CPNE4: variants seen among roughly 807,000 people sequenced by gnomAD.
CPNE4 encodes copine-4.
A neutral mutation model predicts 67.9 loss-of-function variants in CPNE4; 25 were observed. The ratio of observed to expected loss-of-function variants is 0.37; its 90% CI spans 0.27 to 0.51. CPNE4 has a LOEUF of 0.51. CPNE4 is among the 20% of genes least tolerant of loss of function. CPNE4 has a pLI of 0.93. For missense variants in CPNE4, 464 were observed against 690.8 expected, an observed-to-expected ratio of 0.67 and a Z score of 3.68; for synonymous variants, 242 against 244.9, an observed-to-expected ratio of 0.99 and a Z score of 0.11.
chr3:131,598,263 A>G (rs559908903), intron 7 of CPNE4, among the ~76,000 whole-genome samples: 56 of 152,296 alleles, frequency 3.7e-4, no homozygotes, highest in African/African-American at 1.3e-3. Context: ...ACTCTATAAA[A>G]TATGTGTCTG....
intron 1 of CPNE4, among the ~76,000 whole-genome samples, chr3:131,996,569 C>G (rs1242463396): frequency 6.6e-6 from 1 of 151,674 alleles, no homozygotes; most frequent in Non-Finnish European, 1.5e-5. Flanking sequence ...CCTAGCGGAG[C>G]AGCAGTGACG....
intron 1 of CPNE4, among the ~76,000 whole-genome samples, chr3:132,020,656 A>C (rs2107688668): frequency 6.6e-6 from 1 of 152,264 alleles, no homozygotes; most frequent in African/African-American, 2.4e-5. Flanking sequence ...GATCACCATC[A>C]TCTCCACCCC....
At chr3:131,738,653 T>G (rs1489099327) in intron 2 of CPNE4, among the ~76,000 whole-genome samples, 1 of 152,180 alleles carries the variant, frequency 6.6e-6, no homozygotes, top group Non-Finnish European at 1.5e-5. Context: ...TTGTTTGTTT[T>G]TTTCTGGCTT....
intron 2 of CPNE4, among the ~76,000 whole-genome samples, chr3:131,812,934 C>T (rs1328312662): frequency 6.6e-6 from 1 of 152,118 alleles, no homozygotes; most frequent in African/African-American, 2.4e-5. Flanking sequence ...AATCCTATAT[C>T]TGGGCATATA....
At chr3:131,574,508 A>C (rs1445165817) in intron 10 of CPNE4, among the ~76,000 whole-genome samples, 1 of 152,060 alleles carries the variant, frequency 6.6e-6, no homozygotes, top group Admixed American at 6.6e-5. Context: ...ATGATCCTTG[A>C]TCCATTCACT....
chr3:131,997,203 T>C (rs1583575793), intron 1 of CPNE4, among the ~76,000 whole-genome samples: 1 of 152,142 alleles, frequency 6.6e-6, no homozygotes, highest in East Asian at 1.9e-4. Flanking sequence ...TAACCAATAA[T>C]GGAAAGGGCA....
rs1410445631 is a variant in CPNE4 at position 131,533,675 on chromosome 3, C to T, written c.*1520G>A. On this transcript the variant is annotated 3_prime_UTR_variant, in exon 16 of 16. Coordinates refer to ENST00000429747, the MANE Select transcript of CPNE4 (RefSeq NM_130808.3). ...TCCCAAAATGTTGTGCATTTGGTGA[C>T]ATGTATTTGCAAGATTAGGATCTAT... is the stretch of plus-strand genomic sequence containing the variant. 6.6e-6 allele frequency: 1 copy of T among 152,126 alleles called. No homozygotes were observed. The highest frequency in any genetic ancestry group is 1.5e-5 in the Non-Finnish European group (1 of 68,018). The allele number at this position is 152,126 out of a possible 1,614,324, so 9.4% of individuals were successfully genotyped here.
chr3:132,030,848 G>A (rs1298948444), intron 1 of CPNE4, among the ~76,000 whole-genome samples: 1 of 152,206 alleles, frequency 6.6e-6, no homozygotes, highest in African/African-American at 2.4e-5. Flanking sequence ...GCAGTCACAA[G>A]TTTAGGAGAT....
chr3:131,979,546 C>A (rs1369616273), intron 1 of CPNE4, among the ~76,000 whole-genome samples: 2 of 152,136 alleles, frequency 1.3e-5, no homozygotes, highest in Non-Finnish European at 2.9e-5. Flanking sequence ...CCTTTTTCCA[C>A]CCCTTTACTT....
At chr3:131,862,116 G>C (rs1411559576) in intron 2 of CPNE4, among the ~76,000 whole-genome samples, 1 of 152,086 alleles carries the variant, frequency 6.6e-6, no homozygotes, top group Non-Finnish European at 1.5e-5. Flanking sequence ...ACGAGATGTA[G>C]AGCAAGAACT....
intron 1 of CPNE4, among the ~76,000 whole-genome samples, chr3:131,933,284 G>A (rs1306618443): frequency 2.0e-5 from 3 of 152,084 alleles, no homozygotes; most frequent in African/African-American, 4.8e-5. Flanking sequence ...GTCAGAAAAC[G>A]ACAAAATCTT....
rs183533723 is a variant in CPNE4, at chr3:131,819,035, G to T, written c.180+86229C>A. ...GAATCACTTGAACCCAGGAGATGGA[G>T]GTTGCAGTGAGCGAAGATTGTGCCA... On this transcript the variant is annotated intron_variant, in intron 2 of 15. Transcript: ENST00000429747. Among the ~76,000 whole-genome samples, 870 of 152,312 alleles carry T rather than the reference G, an allele frequency of 5.7e-3. 3 individuals carry two copies. The highest frequency in any genetic ancestry group is 8.5e-3 in the Non-Finnish European group (581 of 68,036).
chr3:131,641,101 G>A (rs552797534), intron 7 of CPNE4, among the ~76,000 whole-genome samples: 6 of 152,202 alleles, frequency 3.9e-5, no homozygotes, highest in South Asian at 2.1e-4. Flanking sequence ...CTAGACATTG[G>A]CTTATGCAAA....
intron 1 of CPNE4, among the ~76,000 whole-genome samples, chr3:131,970,770 T>C (rs1366210967): frequency 6.6e-6 from 1 of 152,154 alleles, no homozygotes; most frequent in East Asian, 1.9e-4. Flanking sequence ...TAAAGTTGTA[T>C]TGTGAATATA....
chr3:131,901,976 G>C (rs1163385599), intron 2 of CPNE4, among the ~76,000 whole-genome samples: 1 of 151,930 alleles, frequency 6.6e-6, no homozygotes, highest in Non-Finnish European at 1.5e-5. Context: ...GTTCATCCCT[G>C]GGTTTCTTCA....
chr3:131,836,703 A>G (rs576744685), intron 2 of CPNE4, among the ~76,000 whole-genome samples: 6 of 152,350 alleles, frequency 3.9e-5, no homozygotes, highest in Non-Finnish European at 5.9e-5. Flanking sequence ...AGCATGAACC[A>G]TAACAGAAAG....
At chr3:131,981,413 G>A (rs1295566896) in intron 1 of CPNE4, among the ~76,000 whole-genome samples, 1 of 152,120 alleles carries the variant, frequency 6.6e-6, no homozygotes, top group Non-Finnish European at 1.5e-5. Flanking sequence ...CACTGGAGTT[G>A]TGTATGTAGG....
chr3:131,907,536 C>A (rs2088820982), intron 1 of CPNE4, among the ~76,000 whole-genome samples: 1 of 151,868 alleles, frequency 6.6e-6, no homozygotes, highest in Admixed American at 6.6e-5. Flanking sequence ...ACACCAATAG[C>A]ATTTTATTGG....
intron 1 of CPNE4, among the ~76,000 whole-genome samples, chr3:131,962,904 T>C (rs1222422374): frequency 6.6e-6 from 1 of 152,158 alleles, no homozygotes; most frequent in Non-Finnish European, 1.5e-5. Flanking sequence ...TGTTATTTGC[T>C]ATATAAAAAG....
Sources: allele counts gnomAD v4.1 joint callset (sites outside exome capture counted in the v4.1 genomes callset), GRCh38; gene constraint gnomAD v4.1.1; transcripts MANE v1.5; gene names NCBI Gene and HGNC (gene_info 2026-07-23, HGNC 2026-07-21).